SRRM4: variants seen among roughly 807,000 people sequenced by gnomAD.
The protein encoded by SRRM4 is serine/arginine repetitive matrix protein 4.
Under a neutral mutation model 68.9 loss-of-function variants are expected in SRRM4, and 33 were observed. The observed-to-expected ratio is 0.48, with a 90% CI of 0.36 to 0.64. The LOEUF (loss-of-function observed/expected upper bound fraction) is 0.64, where lower values mean the gene tolerates loss of function less well. SRRM4 is among the 30% of genes least tolerant of loss of function. SRRM4 has a pLI of 0.00. For synonymous variants in SRRM4, 318 were observed against 318.8 expected (o/e 1.00, Z 0.03); for missense variants, 817 against 827.1 (o/e 0.99, Z 0.15).
chr12:119,115,512 CTT>C (rs1170717309), intron 3 of SRRM4, among the ~76,000 whole-genome samples: 1 of 152,110 alleles, frequency 6.6e-6, no homozygotes, highest in Non-Finnish European at 1.5e-5. Context: ...CATCTGATGA[CTT>C]GGGCTTCAAC....
chr12:119,078,954 AAACCTT>A (rs1181045099), intron 1 of SRRM4, among the ~76,000 whole-genome samples: 1 of 152,138 alleles, frequency 6.6e-6, no homozygotes, highest in East Asian at 1.9e-4. Context: ...AAAAAGGTGA[AAACCTT>A]AAAGCACATC....
In SRRM4 at chr12:119,016,584, A is replaced by C. The variant is rs142636149; in HGVS notation, c.131+34571A>C. ...TTTCCCTTTGTCTACCAGGAGACTC[A>C]AATACAAATTTATGGTTCAACACTC... On this transcript the variant is annotated intron_variant, in intron 1 of 12. Transcript: ENST00000267260. Among the ~76,000 whole-genome samples, 484 of 152,360 alleles carry C rather than the reference A, an allele frequency of 3.2e-3. 8 individuals carry two copies. Among genetic ancestry groups the C allele is most frequent in the African/African-American group, 0.011 (451 of 41,582 alleles).
intron 7 of SRRM4, 101 bp from the exon 8 acceptor site, chr12:119,130,577 C>A (rs1039278907): frequency 8.2e-7 from 1 of 1,220,204 alleles, no homozygotes. Flanking sequence ...ACAAACACCC[C>A]CAAACACACT....
intron 1 of SRRM4, among the ~76,000 whole-genome samples, chr12:119,006,750 C>T (rs572150826): frequency 6.6e-6 from 1 of 152,334 alleles, no homozygotes; most frequent in East Asian, 1.9e-4. Context: ...TGGGAAATAC[C>T]ACCACTGATT....
At chr12:119,040,811 A>G (rs1953663607) in intron 1 of SRRM4, among the ~76,000 whole-genome samples, 1 of 152,074 alleles carries the variant, frequency 6.6e-6, no homozygotes, top group Non-Finnish European at 1.5e-5. Context: ...AGTGCATGGC[A>G]TGATCTCAGC....
chr12:119,009,919 C>T (rs904341455), intron 1 of SRRM4, among the ~76,000 whole-genome samples: 3 of 152,162 alleles, frequency 2.0e-5, no homozygotes, highest in Non-Finnish European at 4.4e-5. Context: ...AATTTTTCTC[C>T]TTTCTTCCTT....
intron 1 of SRRM4, among the ~76,000 whole-genome samples, chr12:119,043,519 C>A (rs1953683185): frequency 6.6e-6 from 1 of 152,012 alleles, no homozygotes. Flanking sequence ...ACCTGCACAT[C>A]CTGCACATGT....
intron 7 of SRRM4, among the ~76,000 whole-genome samples, chr12:119,127,831 T>C (rs984697924): frequency 3.9e-5 from 6 of 152,076 alleles, no homozygotes; most frequent in Non-Finnish European, 7.4e-5. Flanking sequence ...TTTACCCAAA[T>C]CCTGCTCTGT....
At chr12:119,036,583 C>G (rs922968343) in intron 1 of SRRM4, among the ~76,000 whole-genome samples, 10 of 152,142 alleles carry the variant, frequency 6.6e-5, no homozygotes, top group African/African-American at 2.4e-4. Flanking sequence ...GTGTATTTCA[C>G]TCATCATCTC....
At position 119,114,265 on chromosome 12, in the gene SRRM4, T is replaced by A; in HGVS notation, c.279-13T>A. On this transcript the variant is annotated splice_polypyrimidine_tract_variant and intron_variant, in intron 2 of 12. Transcript: ENST00000267260. ...CATGAGTTATCTAATGCTCCTCTCT[T>A]TGCTCCTCACAGTGCCTCTCATGAC... 1 of 1,609,312 alleles carries A rather than the reference T, an allele frequency of 6.2e-7. No homozygotes were observed. Among genetic ancestry groups the A allele is most frequent in the South Asian group, 1.1e-5 (1 of 90,012 alleles).
chr12:119,086,976 C>T (rs536015187), intron 1 of SRRM4, among the ~76,000 whole-genome samples: 12 of 152,178 alleles, frequency 7.9e-5, no homozygotes, highest in Non-Finnish European at 1.3e-4. Context: ...CTCTCAGATG[C>T]CCAAGGTGGG....
intron 1 of SRRM4, among the ~76,000 whole-genome samples, chr12:119,036,337 A>C (rs1381779458): frequency 1.3e-5 from 2 of 152,156 alleles, no homozygotes; most frequent in Non-Finnish European, 2.9e-5. Flanking sequence ...GCTTCCAGGC[A>C]GGTGTTTGTA....
chr12:119,072,739 C>T (rs11064652), intron 1 of SRRM4, among the ~76,000 whole-genome samples: 5,697 of 152,276 alleles, frequency 0.037, 194 homozygotes, highest in East Asian at 0.12. Flanking sequence ...ATAGGAACAA[C>T]TTCTGTTGCT....
chr12:119,015,253 G>T (rs1460635513), intron 1 of SRRM4, among the ~76,000 whole-genome samples: 1 of 152,144 alleles, frequency 6.6e-6, no homozygotes. Flanking sequence ...AATAAAGCCA[G>T]AATCCCTTTT....
intron 9 of SRRM4, among the ~76,000 whole-genome samples, chr12:119,146,709 G>A (rs7956440): frequency 0.41 from 62,501 of 151,906 alleles, 13,013 homozygotes; most frequent in Middle Eastern, 0.47. Context: ...GGCCGAGGCG[G>A]GTGGATCACG....
At chr12:119,119,886 A>C (rs1448359151) in intron 4 of SRRM4, among the ~76,000 whole-genome samples, 1 of 151,994 alleles carries the variant, frequency 6.6e-6, no homozygotes, top group Non-Finnish European at 1.5e-5. Flanking sequence ...ATTTACTGAC[A>C]GTTTTGGGGG....
chr12:119,115,292 T>C (rs1021133874), intron 3 of SRRM4, among the ~76,000 whole-genome samples: 4 of 152,082 alleles, frequency 2.6e-5, no homozygotes, highest in Admixed American at 6.6e-5. Flanking sequence ...CCTATGCATT[T>C]TTTCTACGTC....
At chr12:118,982,704 A>G (rs1953258385) in intron 1 of SRRM4, among the ~76,000 whole-genome samples, 1 of 146,456 alleles carries the variant, frequency 6.8e-6, no homozygotes, top group Non-Finnish European at 1.5e-5. Flanking sequence ...TTCCAAAAAG[A>G]ATCTGATTGC....
chr12:119,018,263 T>C (rs1471299809), intron 1 of SRRM4, among the ~76,000 whole-genome samples: 3 of 152,170 alleles, frequency 2.0e-5, no homozygotes, highest in Non-Finnish European at 4.4e-5. Flanking sequence ...AGTAGGTGAT[T>C]GGTGGAAGAA....
Sources: gnomAD v4.1 joint callset for allele counts (sites outside exome capture counted in the v4.1 genomes callset) on GRCh38, gnomAD v4.1.1 for gene constraint, MANE v1.5 for transcripts, NCBI Gene and HGNC (gene_info 2026-07-23, HGNC 2026-07-21) for gene names.